The following CACNA2D3 variants were observed in gnomAD, a reference collection of about 807,000 sequenced individuals.
CACNA2D3 encodes the protein calcium voltage-gated channel auxiliary subunit alpha2delta 3, also known as voltage-dependent calcium channel subunit alpha-2/delta-3.
A neutral mutation model predicts 160.6 loss-of-function variants in CACNA2D3; 60 were observed. The ratio of observed to expected loss-of-function variants is 0.37; its 90% confidence interval spans 0.30 to 0.46. The LOEUF (loss-of-function observed/expected upper bound fraction) is 0.46. CACNA2D3 is among the 20% of genes least tolerant of loss of function. The probability of loss-of-function intolerance (pLI) is 1.00; values close to 1 mark genes in which losing one functional copy is unlikely to be tolerated. For missense variants in CACNA2D3, 1,205 were observed against 1,365.0 expected (o/e 0.88, Z 1.85); for synonymous variants, 558 against 492.9 (o/e 1.13, Z -1.75).
Position 54,515,174 on chromosome 3 carries a change from C to G in CACNA2D3, c.544+11520C>G, listed in dbSNP as rs77419723. 1.2e-3 allele frequency among the ~76,000 whole-genome samples: 158 copies of G among 134,412 alleles called. 2 individuals carry two copies. Among genetic ancestry groups the G allele is most frequent in the Non-Finnish European group, 1.8e-3 (115 of 62,766 alleles). 88.2% of individuals were successfully genotyped at this position (134,412 alleles called of 152,430 possible). ...CATAGTAAAATCCGTGTGTGTGTGT[C>G]TGTGTGTGTGTGTGTGTGTGTGTGT... On this transcript the variant is annotated intron_variant, in intron 5 of 37. Transcript: ENST00000474759.
At chr3:54,650,061 T>C (rs1699730402) in intron 11 of CACNA2D3, among the ~76,000 whole-genome samples, 1 of 152,180 alleles carries the variant, frequency 6.6e-6, no homozygotes, top group South Asian at 2.1e-4. Context: ...CCTGGTTGTG[T>C]TTTGAGCCAC....
intron 2 of CACNA2D3, among the ~76,000 whole-genome samples, chr3:54,234,779 G>A (rs1303750950): frequency 1.3e-5 from 2 of 152,120 alleles, no homozygotes; most frequent in African/African-American, 4.8e-5. Flanking sequence ...GATACCACAT[G>A]TTCTCACTTA....
At chr3:54,123,123 C>T (rs1170473352) in intron 1 of CACNA2D3, among the ~76,000 whole-genome samples, 1 of 151,526 alleles carries the variant, frequency 6.6e-6, no homozygotes, top group African/African-American at 2.4e-5. Context: ...GCTGAATTTC[C>T]CCCCTCTTTG....
chr3:54,398,271 A>G (rs1356099950), intron 4 of CACNA2D3, among the ~76,000 whole-genome samples: 3 of 123,566 alleles, frequency 2.4e-5, no homozygotes, highest in African/African-American at 9.3e-5. Flanking sequence ...CTCTTTATCC[A>G]ACTTCCCAGT....
chr3:54,855,841 G>T (rs1699157759), intron 17 of CACNA2D3, among the ~76,000 whole-genome samples: 1 of 152,166 alleles, frequency 6.6e-6, no homozygotes, highest in Admixed American at 6.5e-5. Flanking sequence ...CCCAAAGTCT[G>T]GGAACCACTG....
At chr3:54,542,320 A>G (rs1701994679) in intron 5 of CACNA2D3, among the ~76,000 whole-genome samples, 1 of 152,088 alleles carries the variant, frequency 6.6e-6, no homozygotes, top group Admixed American at 6.6e-5. Context: ...TTGTCCTCCC[A>G]AAGTGCTGAG....
chr3:54,137,627 C>T (rs1046180707), intron 2 of CACNA2D3, among the ~76,000 whole-genome samples: 12 of 152,252 alleles, frequency 7.9e-5, no homozygotes, highest in East Asian at 3.9e-4. Context: ...CATTGCAACC[C>T]GTTACAACCT....
intron 11 of CACNA2D3, among the ~76,000 whole-genome samples, chr3:54,684,835 G>T (rs948406953): frequency 9.2e-5 from 14 of 152,204 alleles, no homozygotes; most frequent in African/African-American, 3.4e-4. Flanking sequence ...CAGGTTTAGG[G>T]TTGGCTGGGC....
intron 11 of CACNA2D3, among the ~76,000 whole-genome samples, chr3:54,697,292 A>C (rs967012408): frequency 4.6e-5 from 7 of 152,022 alleles, no homozygotes. Flanking sequence ...AAGCAAACAA[A>C]AACATGAGAT....
intron 4 of CACNA2D3, among the ~76,000 whole-genome samples, chr3:54,458,929 C>T (rs1475367119): frequency 2.0e-5 from 3 of 152,058 alleles, no homozygotes; most frequent in Admixed American, 6.6e-5. Context: ...CAACTTCCCC[C>T]ACCCCACAAC....
At chr3:54,831,932 G>A (rs1479312395) in intron 14 of CACNA2D3, among the ~76,000 whole-genome samples, 3 of 151,768 alleles carry the variant, frequency 2.0e-5, no homozygotes, top group Admixed American at 2.0e-4. Context: ...TCTTGGGAAT[G>A]AAGGCATTCA....
intron 2 of CACNA2D3, among the ~76,000 whole-genome samples, chr3:54,183,920 A>G (rs1464595831): frequency 8.3e-6 from 1 of 121,104 alleles, no homozygotes; most frequent in East Asian, 2.5e-4. Context: ...AAAAAAAAAA[A>G]GAAGAGCCTT....
chr3:54,805,273 T>C (rs1703091868), intron 13 of CACNA2D3, among the ~76,000 whole-genome samples: 1 of 152,172 alleles, frequency 6.6e-6, no homozygotes, highest in African/African-American at 2.4e-5. Flanking sequence ...GCTGGTTTTT[T>C]GAAAGGATCA....
At chr3:54,697,894 C>T (rs571258738) in intron 11 of CACNA2D3, among the ~76,000 whole-genome samples, 135 of 152,124 alleles carry the variant, frequency 8.9e-4, no homozygotes, top group African/African-American at 2.9e-3. Context: ...TTTTTTCTTC[C>T]AGTCTCATTT....
intron 8 of CACNA2D3, among the ~76,000 whole-genome samples, chr3:54,578,560 T>C (rs2106734554): frequency 6.6e-6 from 1 of 152,334 alleles, no homozygotes; most frequent in South Asian, 2.1e-4. Context: ...CTGCCTGGTG[T>C]GCACAGTTCC....
intron 2 of CACNA2D3, among the ~76,000 whole-genome samples, chr3:54,229,894 C>T (rs905822103): frequency 2.0e-5 from 3 of 152,174 alleles, no homozygotes; most frequent in African/African-American, 7.2e-5. Context: ...CTGCAGGTTA[C>T]AGAGGGCTTC....
chr3:54,702,853 A>T (rs879730639), intron 11 of CACNA2D3, among the ~76,000 whole-genome samples: 2 of 152,230 alleles, frequency 1.3e-5, no homozygotes, highest in African/African-American at 4.8e-5. Context: ...GGTGGATTGG[A>T]TAAAGAAAAT....
At chr3:54,410,567 C>T (rs1699650069) in intron 4 of CACNA2D3, among the ~76,000 whole-genome samples, 1 of 152,156 alleles carries the variant, frequency 6.6e-6, no homozygotes, top group Non-Finnish European at 1.5e-5. Flanking sequence ...GCCTGGATGA[C>T]CGCACATCTG....
chr3:54,873,429 G>A (rs1468187320), intron 18 of CACNA2D3, among the ~76,000 whole-genome samples: 9 of 151,516 alleles, frequency 5.9e-5, no homozygotes, highest in African/African-American at 1.2e-4. Flanking sequence ...TCACTGAATC[G>A]TCTCCCTTTT....
Sources: gnomAD v4.1 joint callset for allele counts (sites outside exome capture counted in the v4.1 genomes callset) on GRCh38, gnomAD v4.1.1 for gene constraint, MANE v1.5 for transcripts, NCBI Gene and HGNC (gene_info 2026-07-23, HGNC 2026-07-21) for gene names.